PTPN4: variants seen among roughly 807,000 people sequenced by gnomAD.
PTPN4 encodes the protein protein tyrosine phosphatase non-receptor type 4.
A neutral mutation model predicts 135.5 loss-of-function variants in PTPN4; 49 were observed. The observed-to-expected ratio is 0.36, with a 90% CI of 0.29 to 0.46. The LOEUF is 0.46. Among genes scored for constraint, PTPN4 ranks in the 20% least tolerant of loss-of-function variants. The pLI is 1.00. For missense variants in PTPN4, 860 were observed against 1,101.0 expected (o/e 0.78, Z 3.10); for synonymous variants, 333 against 369.9 (o/e 0.90, Z 1.14).
chr2:119,826,158 T>C (rs1320546681), intron 2 of PTPN4, among the ~76,000 whole-genome samples: 1 of 152,118 alleles, frequency 6.6e-6, no homozygotes, highest in African/African-American at 2.4e-5. Flanking sequence ...TTGGGAGAGA[T>C]GGAGACTGCC....
At chr2:119,922,666 T>C (rs762158407) in intron 12 of PTPN4, among the ~76,000 whole-genome samples, 1 of 152,236 alleles carries the variant, frequency 6.6e-6, no homozygotes, top group Non-Finnish European at 1.5e-5. Context: ...TTTCAGATTT[T>C]ATTGTGTCAG....
At chr2:119,846,081 T>G (rs1677494940) in intron 2 of PTPN4, among the ~76,000 whole-genome samples, 2 of 152,230 alleles carry the variant, frequency 1.3e-5, no homozygotes, top group South Asian at 4.1e-4. Context: ...TCCTTTAAAT[T>G]TACTGAGGTT....
chr2:119,844,269 C>G (rs1260457015), intron 2 of PTPN4, among the ~76,000 whole-genome samples: 5 of 134,960 alleles, frequency 3.7e-5, no homozygotes, highest in African/African-American at 1.4e-4. Flanking sequence ...GGCGGCTGGC[C>G]GGGCGGAGGG....
chr2:119,779,268 C>CT (rs1690894329), intron 1 of PTPN4, among the ~76,000 whole-genome samples: 1 of 152,136 alleles, frequency 6.6e-6, no homozygotes, highest in Non-Finnish European at 1.5e-5. Context: ...GTGTAATAAA[C>CT]TAAGTTGGTA....
At chr2:119,861,483 A>G (rs933667668) in intron 2 of PTPN4, among the ~76,000 whole-genome samples, 1 of 152,216 alleles carries the variant, frequency 6.6e-6, no homozygotes, top group Non-Finnish European at 1.5e-5. Flanking sequence ...ATTGATAGGT[A>G]TAGAAGTTTC....
In PTPN4 at chr2:119,936,635, T is replaced by G. The variant is rs12618723; in HGVS notation, c.1355+1677T>G. Among the ~76,000 whole-genome samples, 2,978 of 152,266 alleles carry G rather than the reference T, an allele frequency of 0.02. 197 individuals carry two copies. The East Asian group carries it at 0.23, about 12-fold the overall frequency. On this transcript the variant is annotated intron_variant, in intron 15 of 26. Transcript: ENST00000263708. The stretch of plus-strand genomic sequence containing the variant: ...TGTGTAACTGTGAGTCAATTAAACC[T>G]CTTTTGTTTATAAACTACCCAGTCT...
In PTPN4 at chr2:119,809,950, A is replaced by G. The variant is rs1313332778; in HGVS notation, c.97A>G (p.Ile33Val). The G allele has an allele frequency of 6.2e-7, 1 of 1,613,708 alleles. No homozygotes were observed. The highest frequency in any genetic ancestry group is 1.6e-4 in the Middle Eastern group (1 of 6,062). ...ACAGCATACTGAAGTGGTTTGCAAC[A>G]TCCTTCTTCTGGATAACACTGTACA... is the stretch of plus-strand genomic sequence containing the variant. ...DRQHTEVVCN[I>V]LLLDNTVQAF... The change falls in exon 2 of 27, where the codon ATC (isoleucine) becomes GTC (valine). Residue 33 changes from isoleucine (I) to valine (V), a missense_variant. Physicochemically the swap from Ile to Val is conservative, Grantham distance 29. Around this residue, in one of 2 missense-constraint regions of PTPN4, gnomAD observed 684 missense variants for 807.0 expected, o/e 0.85. Coordinates refer to ENST00000263708, the MANE Select transcript of PTPN4 (RefSeq NM_002830.4).
At chr2:119,905,248 A>G (rs1678470419) in intron 10 of PTPN4, among the ~76,000 whole-genome samples, 1 of 152,120 alleles carries the variant, frequency 6.6e-6, no homozygotes, top group Admixed American at 6.6e-5. Context: ...CCTACAAGAA[A>G]CTCAACTTCA....
chr2:119,806,767 A>T (rs1243677030), intron 1 of PTPN4, among the ~76,000 whole-genome samples: 1 of 152,216 alleles, frequency 6.6e-6, no homozygotes, highest in Non-Finnish European at 1.5e-5. Flanking sequence ...AATCAGCAGA[A>T]TATACATTCT....
At chr2:119,861,580 C>T (rs765410153) in intron 2 of PTPN4, among the ~76,000 whole-genome samples, 1 of 152,180 alleles carries the variant, frequency 6.6e-6, no homozygotes, top group Non-Finnish European at 1.5e-5. Flanking sequence ...ATTGCTTTCC[C>T]AACAGATATC....
At chr2:119,928,819 TTGTATGCA>T (rs1186236046) in intron 13 of PTPN4, among the ~76,000 whole-genome samples, 2 of 152,134 alleles carry the variant, frequency 1.3e-5, no homozygotes, top group Admixed American at 1.3e-4. Context: ...TGGTCACTAG[TTGTATGCA>T]GCATATCCTC....
At chr2:119,863,375 CTG>C (rs1677788110) in intron 3 of PTPN4, among the ~76,000 whole-genome samples, 1 of 152,008 alleles carries the variant, frequency 6.6e-6, no homozygotes, top group Non-Finnish European at 1.5e-5. Context: ...TGAGGGACTT[CTG>C]CAATAAAGTA....
At chr2:119,824,145 GT>G (rs1677111973) in intron 2 of PTPN4, among the ~76,000 whole-genome samples, 1 of 151,984 alleles carries the variant, frequency 6.6e-6, no homozygotes, top group African/African-American at 2.4e-5. Flanking sequence ...TTTCAATTCT[GT>G]TATGGCTAGA....
At chr2:119,842,104 T>C (rs1259958510) in intron 2 of PTPN4, among the ~76,000 whole-genome samples, 1 of 152,222 alleles carries the variant, frequency 6.6e-6, no homozygotes, top group African/African-American at 2.4e-5. Context: ...TAATCTGTTA[T>C]GCAGAGGAGT....
At chr2:119,809,317 CAAT>C (rs1691536443) in intron 1 of PTPN4, among the ~76,000 whole-genome samples, 1 of 150,744 alleles carries the variant, frequency 6.6e-6, no homozygotes, top group Admixed American at 6.6e-5. Context: ...GGAATAATAA[CAAT>C]AATACTATTA....
intron 10 of PTPN4, among the ~76,000 whole-genome samples, chr2:119,903,217 A>G (rs904989076): frequency 1.3e-5 from 2 of 152,092 alleles, no homozygotes; most frequent in African/African-American, 4.8e-5. Flanking sequence ...GGACATTACC[A>G]TTGACAGCAA....
chr2:119,862,673 A>G (rs759596184), intron 3 of PTPN4, 30 bp downstream of exon 3: 1 of 1,553,956 alleles, frequency 6.4e-7, no homozygotes, highest in African/African-American at 1.4e-5. Flanking sequence ...TTTCATTTTC[A>G]TTTAGTTTTT....
At chr2:119,795,450 G>A (rs935720899) in intron 1 of PTPN4, among the ~76,000 whole-genome samples, 9 of 152,372 alleles carry the variant, frequency 5.9e-5, no homozygotes, top group Admixed American at 1.3e-4. Context: ...TCCTGTGCTC[G>A]TTGGCACCCA....
chr2:119,826,450 C>T (rs1463717877), intron 2 of PTPN4, among the ~76,000 whole-genome samples: 1 of 152,158 alleles, frequency 6.6e-6, no homozygotes, highest in Non-Finnish European at 1.5e-5. Context: ...AGCAATGATT[C>T]CTAAATGGGG....
Sources: allele counts gnomAD v4.1 joint callset (sites outside exome capture counted in the v4.1 genomes callset), GRCh38; gene constraint gnomAD v4.1.1; regional missense constraint gnomAD v4.1.1; transcripts MANE v1.5; gene names NCBI Gene and HGNC (gene_info 2026-07-23, HGNC 2026-07-21).